The following ANAPC10 variants were observed in gnomAD, a reference collection of about 807,000 sequenced individuals.
The protein encoded by ANAPC10 is anaphase-promoting complex subunit 10.
Under a neutral mutation model 22.0 loss-of-function variants are expected in ANAPC10, and 12 were observed. The observed-to-expected ratio is 0.55, with a 90% CI of 0.35 to 0.88. The LOEUF (loss-of-function observed/expected upper bound fraction) is 0.88, where lower values mean the gene tolerates loss of function less well. Among genes scored for constraint, ANAPC10 ranks in the 40% least tolerant of loss-of-function variants. ANAPC10 has a pLI of 0.01. For missense variants in ANAPC10, 188 were observed against 220.9 expected (o/e 0.85, Z 0.94); for synonymous variants, 65 against 69.5 (o/e 0.94, Z 0.32).
At chr4:145,043,642 T>C (rs1408561180) in intron 4 of ANAPC10, among the ~76,000 whole-genome samples, 1 of 152,144 alleles carries the variant, frequency 6.6e-6, no homozygotes, top group Non-Finnish European at 1.5e-5. Flanking sequence ...AATCTTTTTT[T>C]ATTACTATTT....
chr4:145,070,719 C>T (rs1486353538), intron 3 of ANAPC10, among the ~76,000 whole-genome samples: 1 of 152,148 alleles, frequency 6.6e-6, no homozygotes, highest in Non-Finnish European at 1.5e-5. Flanking sequence ...GTATTATTTA[C>T]AACAGCCGAA....
intron 4 of ANAPC10, among the ~76,000 whole-genome samples, chr4:145,060,177 T>A (rs1742679223): frequency 6.6e-6 from 1 of 152,104 alleles, no homozygotes; most frequent in Non-Finnish European, 1.5e-5. Flanking sequence ...GAATAGGATA[T>A]TTTGAATACA....
intron 4 of ANAPC10, among the ~76,000 whole-genome samples, chr4:145,045,148 T>C (rs867487820): frequency 1.3e-5 from 2 of 152,094 alleles, no homozygotes; most frequent in Admixed American, 6.6e-5. Context: ...GCTTAAGTTG[T>C]AAAATATTAT....
chr4:145,092,588 A>G (rs968696304), intron 2 of ANAPC10, among the ~76,000 whole-genome samples: 1 of 152,200 alleles, frequency 6.6e-6, no homozygotes, highest in Non-Finnish European at 1.5e-5. Flanking sequence ...CAACACTGAG[A>G]GCCCAAAACA....
chr4:145,001,110 C>T (rs569997479), intron 4 of ANAPC10, among the ~76,000 whole-genome samples: 1 of 151,682 alleles, frequency 6.6e-6, no homozygotes, highest in South Asian at 2.1e-4. Context: ...GTGCAGCAAA[C>T]CAACATGGTA....
At chr4:145,064,782 TGCTAAA>T (rs1743430370) in intron 3 of ANAPC10, 90 bp from the exon 4 acceptor site, 1 of 1,135,784 alleles carries the variant, frequency 8.8e-7, no homozygotes, top group East Asian at 2.5e-5. Context: ...AATCATAGTT[TGCTAAA>T]AGGAGTATTT....
intron 3 of ANAPC10, among the ~76,000 whole-genome samples, chr4:145,078,755 T>C (rs960098918): frequency 1.3e-5 from 2 of 152,122 alleles, no homozygotes; most frequent in Non-Finnish European, 2.9e-5. Context: ...TCAACAAAGT[T>C]GGCAATAACA....
chr4:145,026,418 G>GA (rs1168521004), intron 4 of ANAPC10, among the ~76,000 whole-genome samples: 4 of 151,896 alleles, frequency 2.6e-5, no homozygotes, highest in South Asian at 2.1e-4. Flanking sequence ...AAGTGCATGG[G>GA]AAAAAAACAG....
chr4:145,038,502 G>A (rs1229474180), intron 4 of ANAPC10, among the ~76,000 whole-genome samples: 2 of 152,066 alleles, frequency 1.3e-5, no homozygotes, highest in Non-Finnish European at 2.9e-5. Flanking sequence ...GACAGAGTGA[G>A]ACTCCGTCTC....
chr4:145,008,020 C>T (rs1293079956), intron 4 of ANAPC10, among the ~76,000 whole-genome samples: 1 of 152,112 alleles, frequency 6.6e-6, no homozygotes. Flanking sequence ...ACCGATCCCA[C>T]AGAAGTACAA....
chr4:145,059,151 A>G (rs961080321), intron 4 of ANAPC10, among the ~76,000 whole-genome samples: 1 of 152,174 alleles, frequency 6.6e-6, no homozygotes, highest in African/African-American at 2.4e-5. Context: ...GAAAGCAAAT[A>G]TAAGTAGATT....
intron 4 of ANAPC10, chr4:145,035,299 G>A (rs1388370310): frequency 6.6e-6 from 1 of 152,200 alleles, no homozygotes; most frequent in African/African-American, 2.4e-5. Context: ...CCCTAATAGA[G>A]GAGGACCACT....
At chr4:145,055,877 C>G (rs1018692838) in intron 4 of ANAPC10, among the ~76,000 whole-genome samples, 2 of 152,154 alleles carry the variant, frequency 1.3e-5, no homozygotes, top group African/African-American at 4.8e-5. Context: ...ACTGAACTAA[C>G]TACATAAAAA....
chr4:145,037,791 A>T (rs1169448050), intron 4 of ANAPC10, among the ~76,000 whole-genome samples: 1 of 151,960 alleles, frequency 6.6e-6, no homozygotes, highest in Non-Finnish European at 1.5e-5. Flanking sequence ...TACAAAAAAC[A>T]CAAAAATTAG....
chr4:145,056,555 G>A (rs141005775), intron 4 of ANAPC10, among the ~76,000 whole-genome samples: 11 of 152,152 alleles, frequency 7.2e-5, no homozygotes, highest in African/African-American at 2.2e-4. Context: ...CCCCCTCTTG[G>A]GGTCTGGATT....
intron 4 of ANAPC10, among the ~76,000 whole-genome samples, chr4:145,009,294 A>G (rs1224298366): frequency 6.6e-6 from 1 of 152,114 alleles, no homozygotes. Context: ...TCCCCATCAA[A>G]CTACCAATGA....
chr4:145,076,135 G>C (rs1745162141), intron 3 of ANAPC10, among the ~76,000 whole-genome samples: 1 of 152,220 alleles, frequency 6.6e-6, no homozygotes, highest in South Asian at 2.1e-4. Context: ...CAGATGGGCT[G>C]CTGCCAGCAT....
intron 4 of ANAPC10, among the ~76,000 whole-genome samples, chr4:145,018,770 G>A (rs997581818): frequency 6.6e-6 from 1 of 152,076 alleles, no homozygotes; most frequent in South Asian, 2.1e-4. Flanking sequence ...TCATGTAAAT[G>A]GACACCAAAA....
chr4:145,038,550 C>G (rs35316881), intron 4 of ANAPC10, among the ~76,000 whole-genome samples: 3 of 151,678 alleles, frequency 2.0e-5, no homozygotes, highest in African/African-American at 7.3e-5. Context: ...GGCAGCCAGG[C>G]GCAATGGCTC....
Sources: gnomAD v4.1 joint callset for allele counts (sites outside exome capture counted in the v4.1 genomes callset) on GRCh38, gnomAD v4.1.1 for gene constraint, MANE v1.5 for transcripts, NCBI Gene and HGNC (gene_info 2026-07-23, HGNC 2026-07-21) for gene names.